The following MNAT1 variants were observed in gnomAD, a reference collection of about 807,000 sequenced individuals.
The protein encoded by MNAT1 is CDK-activating kinase assembly factor MAT1.
MNAT1 carries 43 observed loss-of-function variants against 42.0 expected under a neutral mutation model. The observed-to-expected ratio is 1.02, with a 90% CI of 0.80 to 1.32. MNAT1 has a LOEUF of 1.32. Among genes scored for constraint, MNAT1 ranks in the 40% most tolerant of loss-of-function variants. The pLI, the probability that MNAT1 is intolerant of heterozygous loss-of-function variation, is 0.00. For missense variants in MNAT1, 306 were observed against 350.4 expected (o/e 0.87, Z 1.01); for synonymous variants, 118 against 120.0 (o/e 0.98, Z 0.11).
At chr14:60,913,113 C>G (rs188252346) in intron 7 of MNAT1, among the ~76,000 whole-genome samples, 1 of 152,288 alleles carries the variant, frequency 6.6e-6, no homozygotes, top group East Asian at 1.9e-4. Flanking sequence ...TCCAGTTGAT[C>G]GCATCAGTTA....
intron 1 of MNAT1, among the ~76,000 whole-genome samples, chr14:60,738,080 C>CAAAAA (rs35298974): frequency 8.6e-6 from 1 of 115,700 alleles, no homozygotes; most frequent in Non-Finnish European, 1.8e-5. Context: ...CCCTATCTTA[C>CAAAAA]AAAAAAAAAA....
chr14:60,879,731 G>T lies in MNAT1; in HGVS notation c.705G>T (p.Leu235=), dbSNP rs188250258. 4 of 1,612,730 alleles carry T rather than the reference G, an allele frequency of 2.5e-6. No homozygotes were observed. Among genetic ancestry groups the T allele is most frequent in the South Asian group, 1.1e-5 (1 of 90,922 alleles). The change falls in exon 7 of 8, where the codon CTG becomes CTT. Residue 235 remains leucine, a synonymous_variant. Coordinates refer to ENST00000261245, the MANE Select transcript of MNAT1 (RefSeq NM_002431.4). ...TGIKMGQHIS[L]APIHKLEEAL... ...TCTAACAGGGTCAACATATTTCACTGGCACCTATTCACAAGCTTGAAGAAG... is the reference window on the plus strand; with the variant it reads ...TCTAACAGGGTCAACATATTTCACTTGCACCTATTCACAAGCTTGAAGAAG...
intron 7 of MNAT1, among the ~76,000 whole-genome samples, chr14:60,939,147 C>T (rs549227942): frequency 1.3e-3 from 205 of 152,118 alleles, no homozygotes; most frequent in African/African-American, 3.8e-3. Context: ...GTCTTGCTAG[C>T]GGTCTATCAA....
chr14:60,836,516 GT>G (rs1344349290), intron 6 of MNAT1, among the ~76,000 whole-genome samples: 2 of 152,218 alleles, frequency 1.3e-5, no homozygotes, highest in Non-Finnish European at 2.9e-5. Context: ...GTCTGCTGGA[GT>G]TTGTTGGAGG....
rs756357048 is a variant in MNAT1, at chr14:60,898,095, TTGTGTGTGTGTGTG to T, written c.809+18293_809+18306del. Among the ~76,000 whole-genome samples, 318 of 143,776 alleles carry T rather than the reference TTGTGTGTGTGTGTG, an allele frequency of 2.2e-3. 1 individual carries two copies. Among genetic ancestry groups the T allele is most frequent in the African/African-American group, 8.0e-3 (296 of 37,124 alleles). The allele number at this position is 143,776 out of a possible 152,430, so 94.3% of individuals were successfully genotyped here. A position where few individuals can be genotyped will look rare whatever the true frequency, so the allele number is the denominator to read the frequency against. ...CTTTGAATGGCTAAATAGTAATACA[TTGTGTGTGTGTGTG>T]TGTGTGTGTGTGTGTGTGTGTGTGT... On this transcript the variant is annotated intron_variant, in intron 7 of 7. Transcript: ENST00000261245.
chr14:60,906,511 G>A (rs186236376), intron 7 of MNAT1, among the ~76,000 whole-genome samples: 2 of 152,244 alleles, frequency 1.3e-5, no homozygotes, highest in East Asian at 3.9e-4. Flanking sequence ...TAGTTCATAA[G>A]AAAGTGGTCA....
At chr14:60,858,936 T>C (rs1362420096) in intron 6 of MNAT1, among the ~76,000 whole-genome samples, 1 of 152,226 alleles carries the variant, frequency 6.6e-6, no homozygotes, top group East Asian at 1.9e-4. Context: ...AAATAAAAAA[T>C]GTGTGTGACT....
chr14:60,937,871 G>A (rs2036038672), intron 7 of MNAT1, among the ~76,000 whole-genome samples: 1 of 152,092 alleles, frequency 6.6e-6, no homozygotes, highest in African/African-American at 2.4e-5. Context: ...AGCATGGAAT[G>A]TTCTTCCATT....
intron 6 of MNAT1, among the ~76,000 whole-genome samples, chr14:60,863,739 T>G (rs1338220270): frequency 6.6e-6 from 1 of 152,140 alleles, no homozygotes; most frequent in Admixed American, 6.6e-5. Flanking sequence ...TGTTCTCAGA[T>G]GAAAAATTTA....
intron 1 of MNAT1, chr14:60,780,422 T>G: frequency 6.4e-7 from 1 of 1,563,888 alleles, no homozygotes. Context: ...GGAAGTTTCT[T>G]GTTCATTTGA....
intron 1 of MNAT1, among the ~76,000 whole-genome samples, chr14:60,794,576 C>T (rs572092398): frequency 1.0e-3 from 140 of 135,748 alleles, no homozygotes; most frequent in African/African-American, 3.7e-3. Flanking sequence ...TGATGTAGGA[C>T]GATTGCCTGA....
chr14:60,734,790 C>G lies in MNAT1; in HGVS notation c.-73C>G, dbSNP rs1473295920. 3 of 1,419,728 alleles carry G rather than the reference C, an allele frequency of 2.1e-6. 1 individual carries two copies. The highest frequency in any genetic ancestry group is 2.3e-5 in the South Asian group (2 of 85,724). 87.9% of individuals were successfully genotyped at this position (1,419,728 alleles called of 1,614,324 possible). Reference sequence around the variant, plus strand: ...GCCTGTTGGTAGGAACCTGCTTGGTCGCGTCTGAGGGGGCTTGTAGGTGGC... The same window carrying G: ...GCCTGTTGGTAGGAACCTGCTTGGTGGCGTCTGAGGGGGCTTGTAGGTGGC... On this transcript the variant is annotated 5_prime_UTR_variant, in exon 1 of 8. Coordinates refer to ENST00000261245, the MANE Select transcript of MNAT1 (RefSeq NM_002431.4). This position sits in a 1 kb window ranked among gnomAD's most constrained non-coding sequence, Gnocchi z 4.3.
At chr14:60,887,218 TTTTG>T (rs1477800789) in intron 7 of MNAT1, among the ~76,000 whole-genome samples, 5 of 152,178 alleles carry the variant, frequency 3.3e-5, no homozygotes, top group East Asian at 3.9e-4. Flanking sequence ...TTTTTCTTGT[TTTTG>T]TTTGTTTTTT....
At chr14:60,773,303 A>G (rs2031132160) in intron 1 of MNAT1, among the ~76,000 whole-genome samples, 1 of 152,138 alleles carries the variant, frequency 6.6e-6, no homozygotes, top group South Asian at 2.1e-4. Context: ...TGGAGTTGTT[A>G]TGTTTGATGT....
intron 7 of MNAT1, among the ~76,000 whole-genome samples, chr14:60,966,588 C>T (rs1210084917): frequency 6.6e-6 from 1 of 152,254 alleles, no homozygotes; most frequent in Non-Finnish European, 1.5e-5. Context: ...TCTCGGCTCA[C>T]TGCAACCTCC....
chr14:60,936,111 C>T (rs1018579291), intron 7 of MNAT1, among the ~76,000 whole-genome samples: 16 of 152,138 alleles, frequency 1.1e-4, no homozygotes, highest in Admixed American at 8.5e-4. Context: ...TCCCCCAGTG[C>T]GCATGTGGGC....
At chr14:60,767,572 A>G (rs2030878632) in intron 1 of MNAT1, among the ~76,000 whole-genome samples, 1 of 151,848 alleles carries the variant, frequency 6.6e-6, no homozygotes, top group African/African-American at 2.4e-5. Flanking sequence ...AGAACAGTTC[A>G]GTTTTTTTTT....
At chr14:60,900,764 GA>G in intron 7 of MNAT1, among the ~76,000 whole-genome samples, 2 of 152,100 alleles carry the variant, frequency 1.3e-5, no homozygotes, top group Non-Finnish European at 2.9e-5. Context: ...CTCATTCCAG[GA>G]TTTTGGGAGG....
chr14:60,836,564 G>A lies in MNAT1; in HGVS notation c.687+17717G>A, dbSNP rs187657561. ...CCCTGTTTGCCTGGGTATCCCCAGC[G>A]GAGGCTGCAGAACAGCAAAGATTGC... On this transcript the variant is annotated intron_variant, in intron 6 of 7. Transcript: ENST00000261245. Among the ~76,000 whole-genome samples the A allele has an allele frequency of 8.6e-4, 131 of 152,308 alleles. 1 individual carries two copies. Among genetic ancestry groups the A allele is most frequent in the African/African-American group, 3.1e-3 (127 of 41,576 alleles).
Sources: allele counts gnomAD v4.1 joint callset (sites outside exome capture counted in the v4.1 genomes callset), GRCh38; gene constraint gnomAD v4.1.1; non-coding constraint Gnocchi (gnomAD v3.1); transcripts MANE v1.5; gene names NCBI Gene and HGNC (gene_info 2026-07-23, HGNC 2026-07-21).